The following GABRB1 variants were observed in gnomAD, a reference collection of about 807,000 sequenced individuals.
The protein encoded by GABRB1 is gamma-aminobutyric acid receptor subunit beta-1.
GABRB1 carries 17 observed loss-of-function variants against 51.6 expected under a neutral mutation model. That is an observed-to-expected ratio of 0.33 (90% CI 0.23 to 0.49). The LOEUF (loss-of-function observed/expected upper bound fraction) is 0.49. GABRB1 is among the 20% of genes least tolerant of loss of function. The probability of loss-of-function intolerance (pLI) is 0.99; values close to 1 mark genes in which losing one functional copy is unlikely to be tolerated. For synonymous variants in GABRB1, 247 were observed against 218.9 expected (o/e 1.13, Z -1.14); for missense variants, 410 against 600.6 (o/e 0.68, Z 3.32).
chr4:47,214,042 A>G (rs1184745683), intron 4 of GABRB1, among the ~76,000 whole-genome samples: 1 of 152,138 alleles, frequency 6.6e-6, no homozygotes, highest in Non-Finnish European at 1.5e-5. Context: ...GTCACATTCT[A>G]TAATCTCTTT....
chr4:47,171,322 GGAAAA>G (rs1055283102), intron 4 of GABRB1, among the ~76,000 whole-genome samples: 2 of 150,754 alleles, frequency 1.3e-5, no homozygotes, highest in African/African-American at 4.9e-5. Context: ...AAGGAAGGAA[GGAAAA>G]GAAAAGAAAA....
At chr4:47,236,137 A>C (rs1436475612) in intron 4 of GABRB1, among the ~76,000 whole-genome samples, 3 of 152,144 alleles carry the variant, frequency 2.0e-5, no homozygotes, top group Admixed American at 1.3e-4. Flanking sequence ...TGAACACCAT[A>C]CTGTATTAAA....
intron 3 of GABRB1, among the ~76,000 whole-genome samples, chr4:47,143,501 C>T (rs1405311825): frequency 6.6e-6 from 1 of 151,698 alleles, no homozygotes; most frequent in Non-Finnish European, 1.5e-5. Context: ...TAAAGTAAAC[C>T]ACAGAGATAA....
chr4:47,336,077 G>A (rs1445609402), intron 5 of GABRB1, among the ~76,000 whole-genome samples: 3 of 152,136 alleles, frequency 2.0e-5, no homozygotes, highest in Admixed American at 6.5e-5. Flanking sequence ...AAATGCCATC[G>A]ACCAAGTGGA....
intron 4 of GABRB1, among the ~76,000 whole-genome samples, chr4:47,280,323 T>C (rs1723233563): frequency 6.6e-6 from 1 of 151,930 alleles, no homozygotes; most frequent in South Asian, 2.1e-4. Context: ...CATTTCATAA[T>C]TTTTATAATT....
At chr4:47,199,369 G>A (rs1180906208) in intron 4 of GABRB1, among the ~76,000 whole-genome samples, 2 of 152,072 alleles carry the variant, frequency 1.3e-5, no homozygotes, top group East Asian at 3.9e-4. Context: ...AGGCCTTTTT[G>A]AATATATGAA....
intron 3 of GABRB1, among the ~76,000 whole-genome samples, chr4:47,069,627 C>T (rs544213379): frequency 6.6e-6 from 1 of 152,148 alleles, no homozygotes; most frequent in Non-Finnish European, 1.5e-5. Context: ...TCCTAAAACA[C>T]TTTTGTACTT....
chr4:47,411,885 G>A (rs1728770999), intron 8 of GABRB1, among the ~76,000 whole-genome samples: 1 of 152,024 alleles, frequency 6.6e-6, no homozygotes, highest in Admixed American at 6.5e-5. Flanking sequence ...GTGGAACAAT[G>A]GAAATCATAG....
At chr4:47,377,238 G>T (rs1727416378) in intron 5 of GABRB1, among the ~76,000 whole-genome samples, 1 of 152,168 alleles carries the variant, frequency 6.6e-6, no homozygotes, top group African/African-American at 2.4e-5. Context: ...CCACCTCCTG[G>T]GTTCAAGTGA....
intron 5 of GABRB1, among the ~76,000 whole-genome samples, chr4:47,353,662 A>T (rs1035572005): frequency 1.1e-4 from 16 of 152,292 alleles, no homozygotes; most frequent in African/African-American, 3.6e-4. Flanking sequence ...ATTCATTTCC[A>T]ATTTTATTTT....
chr4:47,073,916 G>A (rs1362576287), intron 3 of GABRB1, among the ~76,000 whole-genome samples: 1 of 152,122 alleles, frequency 6.6e-6, no homozygotes, highest in African/African-American at 2.4e-5. Flanking sequence ...AATGTCATGC[G>A]ATAAGAGCTT....
intron 3 of GABRB1, among the ~76,000 whole-genome samples, chr4:47,056,862 C>T (rs1726629830): frequency 6.6e-6 from 1 of 152,202 alleles, no homozygotes; most frequent in African/African-American, 2.4e-5. Context: ...ACTCCCAGCA[C>T]TTTGGGAGGC....
At chr4:47,371,034 A>G (rs1352619893) in intron 5 of GABRB1, among the ~76,000 whole-genome samples, 1 of 151,992 alleles carries the variant, frequency 6.6e-6, no homozygotes, top group East Asian at 1.9e-4. Context: ...TCAACCCATG[A>G]CCCAGGTAGT....
intron 4 of GABRB1, among the ~76,000 whole-genome samples, chr4:47,308,267 T>G (rs755082288): frequency 1.3e-5 from 2 of 152,038 alleles, no homozygotes; most frequent in South Asian, 4.1e-4. Flanking sequence ...ATTACAAATA[T>G]GCAAAAAGTC....
chr4:47,261,112 T>C (rs1359552828), intron 4 of GABRB1, among the ~76,000 whole-genome samples: 1 of 152,162 alleles, frequency 6.6e-6, no homozygotes. Flanking sequence ...GGGCAAAAAC[T>C]GGACGCATTC....
intron 3 of GABRB1, among the ~76,000 whole-genome samples, chr4:47,128,808 G>A (rs952860941): frequency 1.3e-5 from 2 of 151,656 alleles, no homozygotes; most frequent in African/African-American, 4.8e-5. Context: ...CTTTACCTTC[G>A]GATTTTGCCA....
At chr4:47,240,026 T>A (rs1479903926) in intron 4 of GABRB1, among the ~76,000 whole-genome samples, 1 of 152,174 alleles carries the variant, frequency 6.6e-6, no homozygotes, top group Non-Finnish European at 1.5e-5. Context: ...TTTCCTTGGA[T>A]TTACATGAAT....
At chr4:47,053,643 A>G (rs931629723) in intron 3 of GABRB1, among the ~76,000 whole-genome samples, 1 of 152,118 alleles carries the variant, frequency 6.6e-6, no homozygotes, top group African/African-American at 2.4e-5. Context: ...TTAGCCAACC[A>G]TGTGATGTGG....
chr4:47,031,968 C>T lies in GABRB1; in HGVS notation c.135C>T (p.Leu45=). 1 of 1,611,956 alleles carries T rather than the reference C, an allele frequency of 6.2e-7. No homozygotes were observed. Among genetic ancestry groups the T allele is most frequent in the Middle Eastern group, 1.7e-4 (1 of 6,060 alleles). ...SYVKETVDRL[L]KGYDIRLRPD... Reference sequence around the variant, plus strand: ...TGAAAGAGACAGTGGACAGATTGCTCAAAGGATATGACATTCGCTTGCGGC... The same window carrying T: ...TGAAAGAGACAGTGGACAGATTGCTTAAAGGATATGACATTCGCTTGCGGC... The change falls in exon 2 of 9, where the codon CTC becomes CTT. Residue 45 remains leucine (L), a synonymous_variant. Coordinates refer to ENST00000295454, the MANE Select transcript of GABRB1 (RefSeq NM_000812.4).
Sources: gnomAD v4.1 joint callset for allele counts (sites outside exome capture counted in the v4.1 genomes callset) on GRCh38, gnomAD v4.1.1 for gene constraint, MANE v1.5 for transcripts, NCBI Gene and HGNC (gene_info 2026-07-23, HGNC 2026-07-21) for gene names.